Variants in RBM26 observed in about 807,000 individuals in gnomAD.
RBM26 encodes RNA binding motif protein 26.
RBM26 carries 30 observed loss-of-function variants against 123.6 expected under a neutral mutation model. The ratio of observed to expected loss-of-function variants is 0.24; its 90% confidence interval spans 0.18 to 0.33. The LOEUF is 0.33. RBM26 is among the 10% of genes least tolerant of loss of function. RBM26 has a pLI of 1.00. For missense variants in RBM26, 947 were observed against 1,203.6 expected, an observed-to-expected ratio of 0.79 and a Z score of 3.15; for synonymous variants, 400 against 404.4, an observed-to-expected ratio of 0.99 and a Z score of 0.13.
At chr13:79,351,378 A>C (rs1186027031) in intron 14 of RBM26, among the ~76,000 whole-genome samples, 1 of 152,196 alleles carries the variant, frequency 6.6e-6, no homozygotes, top group African/African-American at 2.4e-5. Flanking sequence ...ATCAAAATCT[A>C]TCACCTCAAA....
chr13:79,357,457 A>T (rs1350505252), intron 11 of RBM26, among the ~76,000 whole-genome samples: 1 of 152,134 alleles, frequency 6.6e-6, no homozygotes, highest in Non-Finnish European at 1.5e-5. Context: ...CTCAATACTA[A>T]AAAAACACCC....
intron 19 of RBM26, among the ~76,000 whole-genome samples, chr13:79,336,540 T>C (rs2070440401): frequency 1.3e-5 from 2 of 152,196 alleles, no homozygotes; most frequent in Admixed American, 6.5e-5. Flanking sequence ...ATGAGCCTAA[T>C]AAATCCCAGG....
intron 10 of RBM26, 55 bp from the exon 11 acceptor site, chr13:79,358,488 A>G (rs1389610812): frequency 2.3e-6 from 3 of 1,332,176 alleles, no homozygotes; most frequent in Non-Finnish European, 3.1e-6. Flanking sequence ...CCCTAACCAA[A>G]TACAAGGGAA....
chr13:79,329,191 G>C (rs1410077551), intron 20 of RBM26, among the ~76,000 whole-genome samples: 1 of 152,052 alleles, frequency 6.6e-6, no homozygotes, highest in African/African-American at 2.4e-5. Flanking sequence ...ACAAGTATCA[G>C]AGTGAATTCT....
intron 18 of RBM26, among the ~76,000 whole-genome samples, chr13:79,339,475 G>A (rs1021249591): frequency 2.6e-5 from 4 of 152,024 alleles, no homozygotes; most frequent in Non-Finnish European, 4.4e-5. Context: ...TTAGCTTGAC[G>A]TAATCAATTC....
At chr13:79,397,021 A>C (rs1317416534) in intron 1 of RBM26, among the ~76,000 whole-genome samples, 2 of 152,054 alleles carry the variant, frequency 1.3e-5, no homozygotes, top group Non-Finnish European at 2.9e-5. Flanking sequence ...CTCTACTAAA[A>C]ATACGAAAAA....
intron 1 of RBM26, among the ~76,000 whole-genome samples, chr13:79,387,201 A>C (rs2077569023): frequency 1.3e-5 from 2 of 152,182 alleles, no homozygotes; most frequent in African/African-American, 2.4e-5. Flanking sequence ...AGAAATAATT[A>C]CAAATAAATA....
At chr13:79,365,822 T>A (rs1181988572) in intron 8 of RBM26, 104 bp from the exon 9 acceptor site, 2 of 1,028,306 alleles carry the variant, frequency 1.9e-6, no homozygotes, top group Admixed American at 4.9e-5. Context: ...TATTAACATA[T>A]AACATGCTCT....
At chr13:79,328,447 T>C (rs2068769117) in intron 20 of RBM26, among the ~76,000 whole-genome samples, 1 of 151,492 alleles carries the variant, frequency 6.6e-6, no homozygotes, top group African/African-American at 2.4e-5. Context: ...CACGTAAATT[T>C]TTAAAAAAAT....
intron 19 of RBM26, among the ~76,000 whole-genome samples, chr13:79,335,117 A>G (rs191108512): frequency 2.0e-5 from 3 of 152,026 alleles, no homozygotes; most frequent in Non-Finnish European, 4.4e-5. Flanking sequence ...TCCTTTATAT[A>G]TCATTATCAA....
chr13:79,351,767 G>C (rs1332841689), intron 14 of RBM26, among the ~76,000 whole-genome samples: 1 of 152,162 alleles, frequency 6.6e-6, no homozygotes. Context: ...GATGAGCTGT[G>C]AATCAAGGAA....
Position 79,320,062 on chromosome 13 carries a change from G to C in RBM26, c.*559C>G, listed in dbSNP as rs1370984380. Reference sequence around the variant, plus strand: ...CTGGATGCATAAGGACTCATGTAAAGCAGTCATACACCATTATCATTAAAA... The same window carrying C: ...CTGGATGCATAAGGACTCATGTAAACCAGTCATACACCATTATCATTAAAA... On this transcript the variant is annotated 3_prime_UTR_variant, in exon 22 of 22. Transcript: ENST00000438737. 1.1e-5 allele frequency: 11 copies of C among 969,166 alleles called. No individual in the cohort carries two copies. The highest frequency in any genetic ancestry group is 1.3e-5 in the Non-Finnish European group (11 of 823,478). 60.0% of individuals were successfully genotyped at this position (969,166 alleles called of 1,614,324 possible).
chr13:79,318,682 A>G (rs2067371618), downstream of RBM26: 2 of 530,424 alleles, frequency 3.8e-6, no homozygotes, highest in South Asian at 8.2e-5. Context: ...AATAAACAGA[A>G]TATGTATTTT....
chr13:79,324,866 A>G (rs2068138928), intron 20 of RBM26, among the ~76,000 whole-genome samples: 1 of 152,012 alleles, frequency 6.6e-6, no homozygotes, highest in African/African-American at 2.4e-5. Context: ...TAGCTAGTCA[A>G]TTGCCCCAAC....
chr13:79,322,528 T>C (rs2067806116), intron 20 of RBM26, 66 bp from the exon 21 acceptor site: 7 of 1,040,172 alleles, frequency 6.7e-6, no homozygotes, highest in Non-Finnish European at 9.7e-6. Flanking sequence ...ATAAATGTCA[T>C]AGTGCCTAAC....
chr13:79,346,516 C>T (rs2072356368), intron 14 of RBM26, among the ~76,000 whole-genome samples: 1 of 151,920 alleles, frequency 6.6e-6, no homozygotes, highest in Non-Finnish European at 1.5e-5. Context: ...GGGACCTCAG[C>T]CGCGCACCAC....
intron 1 of RBM26, among the ~76,000 whole-genome samples, chr13:79,390,395 T>C (rs1338773715): frequency 1.3e-5 from 2 of 152,096 alleles, no homozygotes; most frequent in African/African-American, 2.4e-5. Flanking sequence ...CAGGTAATAC[T>C]AATATATAGT....
chr13:79,362,706 T>A (rs1049343168), intron 9 of RBM26, among the ~76,000 whole-genome samples: 2 of 152,136 alleles, frequency 1.3e-5, no homozygotes, highest in African/African-American at 2.4e-5. Context: ...CTATCCAACA[T>A]CTTTTGTTTT....
At chr13:79,349,427 C>T (rs2072856694) in intron 14 of RBM26, among the ~76,000 whole-genome samples, 1 of 151,740 alleles carries the variant, frequency 6.6e-6, no homozygotes, top group African/African-American at 2.4e-5. Flanking sequence ...GTGAAATAGA[C>T]AAAGGGATTA....
Sources: gnomAD v4.1 joint callset for allele counts (sites outside exome capture counted in the v4.1 genomes callset) on GRCh38, gnomAD v4.1.1 for gene constraint, MANE v1.5 for transcripts, NCBI Gene and HGNC (gene_info 2026-07-23, HGNC 2026-07-21) for gene names.